Variants in SEMA7A observed in about 807,000 individuals in gnomAD.
SEMA7A encodes semaphorin 7A (JohnMiltonHagen blood group), also known as semaphorin-7A.
A neutral mutation model predicts 67.5 loss-of-function variants in SEMA7A; 21 were observed. The ratio of observed to expected loss-of-function variants is 0.31; its 90% confidence interval spans 0.22 to 0.45. The LOEUF (loss-of-function observed/expected upper bound fraction) is 0.45, where lower values mean the gene tolerates loss of function less well. Among genes scored for constraint, SEMA7A ranks in the 20% least tolerant of loss-of-function variants. The probability of loss-of-function intolerance (pLI) is 1.00; values close to 1 mark genes in which losing one functional copy is unlikely to be tolerated. For missense variants in SEMA7A, 774 were observed against 908.6 expected, an observed-to-expected ratio of 0.85 and a Z score of 1.90; for synonymous variants, 364 against 368.5, an observed-to-expected ratio of 0.99 and a Z score of 0.14.
chr15:74,433,898 T>A lies in SEMA7A; in HGVS notation c.21A>T (p.Gly7=). ...CGCGCGGTGCGCTGGGGGCGGCACG[T>A]CCGGGCGGAGGAGGCGTCATCCCGT... The part of the protein sequence containing the change: MTPPPP[G]RAAPSAPRAR... Residue 7 remains glycine (G), a synonymous_variant, in exon 1 of 14, where the codon GGA becomes GGT. Transcript: ENST00000261918. 7.9e-7 allele frequency: 1 copy of A among 1,260,338 alleles called. No individual in the cohort carries two copies. The highest frequency in any genetic ancestry group is 9.9e-7 in the Non-Finnish European group (1 of 1,007,250). The allele number at this position is 1,260,338 out of a possible 1,614,324, so 78.1% of individuals were successfully genotyped here. A position where few individuals can be genotyped will look rare whatever the true frequency, so the allele number is the denominator to read the frequency against.
At chr15:74,418,085 G>A (rs2060967911) in intron 3 of SEMA7A, 116 bp from the exon 4 acceptor site, 1 of 1,283,322 alleles carries the variant, frequency 7.8e-7, no homozygotes, top group African/African-American at 1.5e-5. Flanking sequence ...TAGCATAGGT[G>A]ACAGCCTCCC....
chr15:74,416,027 C>T (rs547336248), intron 7 of SEMA7A, 42 bp from the exon 8 acceptor site: 37 of 1,588,382 alleles, frequency 2.3e-5, no homozygotes, highest in Middle Eastern at 1.7e-4. Context: ...AGCACCTGCC[C>T]GGGCTTCCCC....
intron 1 of SEMA7A, among the ~76,000 whole-genome samples, chr15:74,429,457 C>A (rs1459015056): frequency 1.3e-5 from 2 of 152,238 alleles, no homozygotes; most frequent in Non-Finnish European, 2.9e-5. Context: ...TCCATCTCTG[C>A]AGAGGAAGAG....
chr15:74,410,455 A>G lies in SEMA7A; in HGVS notation c.*169T>C. On this transcript the variant is annotated 3_prime_UTR_variant, in exon 14 of 14. Coordinates refer to ENST00000261918, the MANE Select transcript of SEMA7A (RefSeq NM_003612.5). This position sits in a 1 kb window ranked among gnomAD's most constrained non-coding sequence, Gnocchi z 7.5. Reference sequence around the variant, plus strand: ...ACCATCCGTGCGCCACCTGGGGCCCAGCAGCCGCCTGCGGCTGGACGTCTC... The same window carrying G: ...ACCATCCGTGCGCCACCTGGGGCCCGGCAGCCGCCTGCGGCTGGACGTCTC... The G allele has an allele frequency of 2.0e-6, 2 of 1,021,802 alleles. No homozygotes were observed. Among genetic ancestry groups the G allele is most frequent in the Non-Finnish European group, 2.8e-6 (2 of 716,764 alleles). The allele number at this position is 1,021,802 out of a possible 1,614,324, so 63.3% of individuals were successfully genotyped here. A position where few individuals can be genotyped will look rare whatever the true frequency, so the allele number is the denominator to read the frequency against.
chr15:74,432,057 T>C (rs2141294755), intron 1 of SEMA7A, among the ~76,000 whole-genome samples: 1 of 128,502 alleles, frequency 7.8e-6, no homozygotes, highest in Non-Finnish European at 1.6e-5. Flanking sequence ...ATGGGATGTA[T>C]GCATTAAGTG....
At chr15:74,417,227 G>A in intron 6 of SEMA7A, 108 bp downstream of exon 6, 4 of 848,226 alleles carry the variant, frequency 4.7e-6, no homozygotes, top group East Asian at 2.4e-5. Flanking sequence ...TTCCTGCATG[G>A]CCCCAGCGGC....
At chr15:74,417,570 C>T in intron 5 of SEMA7A, 21 bp downstream of exon 5, 1 of 1,606,622 alleles carries the variant, frequency 6.2e-7, no homozygotes, top group Non-Finnish European at 8.5e-7. Context: ...CCCTGGGGCG[C>T]CTGCTCCAGC....
At position 74,433,751 on chromosome 15, in the gene SEMA7A, G is replaced by A. The variant is rs543975316; in HGVS notation, c.168C>T (p.Ala56=). 5.5e-6 allele frequency: 8 copies of A among 1,444,332 alleles called. No individual in the cohort carries two copies. The South Asian group carries it at 8.1e-5, about 15-fold the overall frequency. The allele number at this position is 1,444,332 out of a possible 1,614,324, so 89.5% of individuals were successfully genotyped here. A position where few individuals can be genotyped will look rare whatever the true frequency, so the allele number is the denominator to read the frequency against. The change falls in exon 1 of 14, where the codon GCC becomes GCT. Residue 56 remains alanine, a synonymous_variant. Transcript: ENST00000261918. The part of the protein sequence containing the change: ...GHLRSGPRIF[A]VWKGHVGQDR... ...CGCGGCGCCGCCTACCTTTCCAGAC[G>A]GCGAAGATGCGGGGTCCGCTCCTTA...
chr15:74,427,891 C>T (rs1415898668), intron 1 of SEMA7A, among the ~76,000 whole-genome samples: 1 of 152,234 alleles, frequency 6.6e-6, no homozygotes, highest in East Asian at 1.9e-4. Flanking sequence ...AAACCCAGGG[C>T]TTCTCTTCCT....
intron 8 of SEMA7A, 69 bp downstream of exon 8, chr15:74,415,732 C>T: frequency 6.8e-7 from 1 of 1,472,682 alleles, no homozygotes; most frequent in South Asian, 1.3e-5. Context: ...TCAGCAGGGC[C>T]CAAGGCCTCC....
At chr15:74,419,738 C>T (rs2060983934) in intron 1 of SEMA7A, among the ~76,000 whole-genome samples, 1 of 152,178 alleles carries the variant, frequency 6.6e-6, no homozygotes, top group South Asian at 2.1e-4. Flanking sequence ...AGGATGCTAG[C>T]TCTCCGGGGG....
chr15:74,432,870 C>T (rs1353915804), intron 1 of SEMA7A, among the ~76,000 whole-genome samples: 1 of 152,090 alleles, frequency 6.6e-6, no homozygotes, highest in Admixed American at 6.5e-5. Context: ...AGCCTCAAAC[C>T]CCCGCCTAAC....
At chr15:74,416,983 G>A (rs894351104) in intron 6 of SEMA7A, among the ~76,000 whole-genome samples, 1 of 152,162 alleles carries the variant, frequency 6.6e-6, no homozygotes, top group Non-Finnish European at 1.5e-5. Flanking sequence ...GTCCCTGGGG[G>A]CCCCTATGTC....
Position 74,411,506 on chromosome 15 carries a change from CT to C in SEMA7A, c.1577+49del. 2 of 1,544,564 alleles carry C rather than the reference CT, an allele frequency of 1.3e-6. No homozygotes were observed. The highest frequency in any genetic ancestry group is 2.5e-5 in the South Asian group (2 of 79,400). On this transcript the variant is annotated intron_variant, in intron 12 of 13. Coordinates refer to ENST00000261918, the MANE Select transcript of SEMA7A (RefSeq NM_003612.5). The surrounding 1 kb of genome is among the most constrained non-coding windows in gnomAD (Gnocchi z 4.4). ...TCCTCCAGCCCGACAACACCTCCCCCTCTCCCATGCCCACCTTCTCCCAGGG... is the reference window on the plus strand; with the variant it reads ...TCCTCCAGCCCGACAACACCTCCCCCCTCCCATGCCCACCTTCTCCCAGGG...
chr15:74,425,993 C>T (rs544283737), intron 1 of SEMA7A, among the ~76,000 whole-genome samples: 1 of 152,316 alleles, frequency 6.6e-6, no homozygotes, highest in South Asian at 2.1e-4. Flanking sequence ...CCCATGGAGG[C>T]CAGGCACAGT....
chr15:74,432,433 C>G (rs2061096497), intron 1 of SEMA7A, among the ~76,000 whole-genome samples: 1 of 152,208 alleles, frequency 6.6e-6, no homozygotes, highest in Admixed American at 6.5e-5. Flanking sequence ...ATTCATGGTC[C>G]CTGAACCACC....
Position 74,411,869 on chromosome 15 carries a change from G to C in SEMA7A, c.1422+16C>G. ...GTCACTGCATAGCCCATGGGACGCA[G>C]TGGGGGAAGGCTCACCCGCTCAGCA... On this transcript the variant is annotated intron_variant, in intron 11 of 13. Transcript: ENST00000261918. The surrounding 1 kb of genome is among the most constrained non-coding windows in gnomAD (Gnocchi z 4.4). 6.2e-7 allele frequency: 1 copy of C among 1,613,498 alleles called. No individual in the cohort carries two copies. Among genetic ancestry groups the C allele is most frequent in the Non-Finnish European group, 8.5e-7 (1 of 1,179,934 alleles).
rs1333255301 is a variant in SEMA7A, at chr15:74,414,517, C to G, written c.1294+30G>C. The G allele has an allele frequency of 1.2e-6, 2 of 1,605,238 alleles. No homozygotes were observed. The highest frequency in any genetic ancestry group is 1.7e-6 in the Non-Finnish European group (2 of 1,172,498). On this transcript the variant is annotated intron_variant, in intron 10 of 13. Transcript: ENST00000261918. The surrounding 1 kb of genome is among the most constrained non-coding windows in gnomAD (Gnocchi z 4.1). ...ACCTTTCATGCCCGTTTTTACAAAG[C>G]AAACTGAGGGTCCCGGGGTAGCCTC...
In SEMA7A at chr15:74,423,539, T is replaced by C. The variant is rs79196413; in HGVS notation, c.179-4587A>G. Reference sequence around the variant, plus strand: ...AGAGCCTCTGATTTGCAAAAAGCTGTATATTCAGCCTCTCCCTACTTCCCT... The same window carrying C: ...AGAGCCTCTGATTTGCAAAAAGCTGCATATTCAGCCTCTCCCTACTTCCCT... On this transcript the variant is annotated intron_variant, in intron 1 of 13. Coordinates refer to ENST00000261918, the MANE Select transcript of SEMA7A (RefSeq NM_003612.5). The surrounding 1 kb of genome is among the most constrained non-coding windows in gnomAD (Gnocchi z 4.1). Among the ~76,000 whole-genome samples, 1,753 of 152,186 alleles carry C rather than the reference T, an allele frequency of 0.012. 14 individuals are homozygous for C. Among genetic ancestry groups the C allele is most frequent in the South Asian group, 0.022 (105 of 4,820 alleles).
Sources: gnomAD v4.1 joint callset for allele counts (sites outside exome capture counted in the v4.1 genomes callset) on GRCh38, gnomAD v4.1.1 for gene constraint, Gnocchi (gnomAD v3.1) non-coding constraint, MANE v1.5 for transcripts, NCBI Gene and HGNC (gene_info 2026-07-23, HGNC 2026-07-21) for gene names.